Variants in CNTN5 observed in about 807,000 individuals in gnomAD.
The protein encoded by CNTN5 is contactin 5.
In CNTN5, 77 loss-of-function variants were observed where a neutral mutation model predicts 129.1. The observed-to-expected ratio is 0.60, with a 90% CI of 0.50 to 0.72. The LOEUF (loss-of-function observed/expected upper bound fraction) is 0.72, where lower values mean the gene tolerates loss of function less well. Among genes scored for constraint, CNTN5 ranks in the 30% least tolerant of loss-of-function variants. CNTN5 has a pLI of 0.00. For missense variants in CNTN5, 1,478 were observed against 1,328.8 expected, an observed-to-expected ratio of 1.11 and a Z score of -1.75; for synonymous variants, 509 against 465.6, an observed-to-expected ratio of 1.09 and a Z score of -1.20.
chr11:99,296,358 G>A (rs1198850698), intron 1 of CNTN5, among the ~76,000 whole-genome samples: 1 of 152,140 alleles, frequency 6.6e-6, no homozygotes, highest in Non-Finnish European at 1.5e-5. Context: ...GTCTTTCTCT[G>A]ATGTTCTCAG....
chr11:100,346,927 A>G (rs1195846148), intron 23 of CNTN5, among the ~76,000 whole-genome samples: 1 of 152,144 alleles, frequency 6.6e-6, no homozygotes. Flanking sequence ...GCAGCAGACA[A>G]GAGAAGAGAA....
chr11:99,619,442 A>G (rs1363263397), intron 3 of CNTN5, among the ~76,000 whole-genome samples: 2 of 152,092 alleles, frequency 1.3e-5, no homozygotes, highest in African/African-American at 2.4e-5. Flanking sequence ...CCATTTTATG[A>G]TTTTTAAGTA....
intron 2 of CNTN5, among the ~76,000 whole-genome samples, chr11:99,552,090 TAGAGACA>T (rs1339607793): frequency 6.6e-6 from 1 of 151,926 alleles, no homozygotes; most frequent in Non-Finnish European, 1.5e-5. Flanking sequence ...GTATTCTTAG[TAGAGACA>T]AGGTTTCACC....
At chr11:100,329,742 A>C (rs1377460456) in intron 21 of CNTN5, among the ~76,000 whole-genome samples, 1 of 152,222 alleles carries the variant, frequency 6.6e-6, no homozygotes, top group Non-Finnish European at 1.5e-5. Context: ...ACTATGGTTC[A>C]GTTCTCAGGA....
At chr11:99,959,314 T>C (rs1312069862) in intron 8 of CNTN5, among the ~76,000 whole-genome samples, 1 of 152,224 alleles carries the variant, frequency 6.6e-6, no homozygotes, top group Non-Finnish European at 1.5e-5. Context: ...TGGAAACTTC[T>C]GTGCTTTCCT....
intron 15 of CNTN5, among the ~76,000 whole-genome samples, chr11:100,204,969 T>TA (rs1187683123): frequency 6.6e-6 from 1 of 152,028 alleles, no homozygotes; most frequent in Non-Finnish European, 1.5e-5. Flanking sequence ...AGGAATAATA[T>TA]ATGAAAAAGA....
At chr11:99,770,672 A>G (rs1048814673) in intron 3 of CNTN5, among the ~76,000 whole-genome samples, 1 of 152,026 alleles carries the variant, frequency 6.6e-6, no homozygotes, top group Admixed American at 6.6e-5. Context: ...ACCTTAGTCA[A>G]ATTTTTCTCT....
Position 100,340,493 on chromosome 11 carries a change from G to C in CNTN5, c.2761G>C (p.Asp921His), listed in dbSNP as rs201037936. ...VGYWKDMEQEDTAETVKTRGN... is the reference protein window; with the variant it reads ...VGYWKDMEQEHTAETVKTRGN... Reference sequence around the variant, plus strand: ...TTACTGGAAAGACATGGAACAGGAAGATACAGCAGAAACAGTCAAAACTAG... The same window carrying C: ...TTACTGGAAAGACATGGAACAGGAACATACAGCAGAAACAGTCAAAACTAG... Residue 921 changes from aspartate to histidine, a missense_variant, in exon 22 of 25, where the codon GAT (aspartate) becomes CAT (histidine). By Grantham distance (81) the Asp-to-His change is moderately conservative. Transcript: ENST00000524871. The C allele has an allele frequency of 6.2e-6, 10 of 1,612,306 alleles. No individual in the cohort carries two copies. The highest frequency in any genetic ancestry group is 8.5e-6 in the Non-Finnish European group (10 of 1,179,120).
At chr11:100,172,136 G>A (rs1188063985) in intron 13 of CNTN5, among the ~76,000 whole-genome samples, 2 of 151,892 alleles carry the variant, frequency 1.3e-5, no homozygotes, top group Non-Finnish European at 2.9e-5. Context: ...AACGCAGTTT[G>A]CATTAAAACT....
intron 1 of CNTN5, among the ~76,000 whole-genome samples, chr11:99,252,246 G>T (rs1216800186): frequency 6.6e-6 from 1 of 151,606 alleles, no homozygotes; most frequent in East Asian, 1.9e-4. Flanking sequence ...CATTTTCCCA[G>T]ACCTTAACTA....
intron 1 of CNTN5, among the ~76,000 whole-genome samples, chr11:99,093,471 T>G (rs1453521876): frequency 1.3e-5 from 2 of 151,804 alleles, no homozygotes; most frequent in African/African-American, 2.4e-5. Flanking sequence ...CTTATTTTGT[T>G]TTTTGGTTGT....
chr11:100,191,876 A>G (rs1948504332), intron 14 of CNTN5, among the ~76,000 whole-genome samples: 1 of 152,006 alleles, frequency 6.6e-6, no homozygotes, highest in South Asian at 2.1e-4. Context: ...GTCATTGTTT[A>G]GTGACAGAAA....
intron 18 of CNTN5, among the ~76,000 whole-genome samples, chr11:100,288,782 G>A (rs530125457): frequency 6.6e-6 from 1 of 151,958 alleles, no homozygotes; most frequent in South Asian, 2.1e-4. Context: ...AGGAAATAGA[G>A]ACACAAAAAA....
At chr11:99,238,930 A>G (rs1861410159) in intron 1 of CNTN5, among the ~76,000 whole-genome samples, 1 of 152,170 alleles carries the variant, frequency 6.6e-6, no homozygotes, top group African/African-American at 2.4e-5. Context: ...TGGCAAATGT[A>G]GAAAAGTTAT....
chr11:99,721,366 AAAAC>A (rs1943166440), intron 3 of CNTN5, among the ~76,000 whole-genome samples: 1 of 152,148 alleles, frequency 6.6e-6, no homozygotes, highest in Non-Finnish European at 1.5e-5. Flanking sequence ...AAAACTGACA[AAAAC>A]AAGCAATGGG....
intron 6 of CNTN5, among the ~76,000 whole-genome samples, chr11:99,878,125 A>C (rs979961217): frequency 6.6e-6 from 1 of 152,336 alleles, no homozygotes; most frequent in Non-Finnish European, 1.5e-5. Context: ...GCAGAAAGAA[A>C]GTTTGAGATT....
At chr11:100,022,003 C>T (rs533120544) in intron 9 of CNTN5, among the ~76,000 whole-genome samples, 1 of 152,282 alleles carries the variant, frequency 6.6e-6, no homozygotes, top group South Asian at 2.1e-4. Flanking sequence ...TTTCCAGCCT[C>T]ACTGGCAGCT....
At chr11:99,079,943 ATC>A (rs1178041938) in intron 1 of CNTN5, among the ~76,000 whole-genome samples, 8 of 152,220 alleles carry the variant, frequency 5.3e-5, no homozygotes, top group African/African-American at 1.7e-4. Context: ...CTTTATTTAT[ATC>A]TGTTTTCTCT....
At chr11:100,196,767 T>C (rs1325491910) in intron 15 of CNTN5, among the ~76,000 whole-genome samples, 1 of 151,992 alleles carries the variant, frequency 6.6e-6, no homozygotes, top group African/African-American at 2.4e-5. Context: ...GGAGAAGCAA[T>C]CAGTTAGTAC....
Sources: gnomAD v4.1 joint callset for allele counts (sites outside exome capture counted in the v4.1 genomes callset) on GRCh38, gnomAD v4.1.1 for gene constraint, MANE v1.5 for transcripts, NCBI Gene and HGNC (gene_info 2026-07-23, HGNC 2026-07-21) for gene names.